Variants in AGMO observed in about 807,000 individuals in gnomAD.
AGMO encodes the protein glyceryl-ether monooxygenase.
In AGMO, 75 loss-of-function variants were observed where a neutral mutation model predicts 60.2. The ratio of observed to expected loss-of-function variants is 1.25; its 90% CI spans 1.03 to 1.51. AGMO has a LOEUF of 1.51. Ranked by LOEUF, AGMO falls within the 40% of genes most tolerant of loss-of-function variation. AGMO has a pLI of 0.00. For synonymous variants in AGMO, 261 were observed against 177.1 expected, an observed-to-expected ratio of 1.47 and a Z score of -3.76; for missense variants, 763 against 525.5, an observed-to-expected ratio of 1.45 and a Z score of -4.42.
intron 3 of AGMO, among the ~76,000 whole-genome samples, chr7:15,527,974 T>C (rs1290024003): frequency 6.6e-6 from 1 of 152,204 alleles, no homozygotes; most frequent in Non-Finnish European, 1.5e-5. Context: ...CTTGTCAATG[T>C]ACATGGTCTC....
At chr7:15,397,337 G>A (rs1784432553) in intron 5 of AGMO, among the ~76,000 whole-genome samples, 1 of 151,754 alleles carries the variant, frequency 6.6e-6, no homozygotes, top group African/African-American at 2.4e-5. Flanking sequence ...CGGAACCCGA[G>A]CCGGCCCGCG....
intron 3 of AGMO, among the ~76,000 whole-genome samples, chr7:15,455,194 G>T (rs1781969191): frequency 6.6e-6 from 1 of 151,528 alleles, no homozygotes; most frequent in South Asian, 2.1e-4. Context: ...ACATTTTTGT[G>T]ACTATGAAGA....
chr7:15,208,886 G>C (rs531873597), intron 12 of AGMO, among the ~76,000 whole-genome samples: 219 of 152,246 alleles, frequency 1.4e-3, no homozygotes, highest in Middle Eastern at 3.4e-3. Context: ...TAGACCTTAA[G>C]TGTCCTAACA....
chr7:15,333,431 A>ATGATT (rs2128545366), intron 12 of AGMO, among the ~76,000 whole-genome samples: 1 of 152,146 alleles, frequency 6.6e-6, no homozygotes, highest in African/African-American at 2.4e-5. Flanking sequence ...AAACACCTTG[A>ATGATT]TGATTATTTT....
chr7:15,270,253 C>T (rs2128513316), intron 12 of AGMO, among the ~76,000 whole-genome samples: 1 of 152,164 alleles, frequency 6.6e-6, no homozygotes, highest in Middle Eastern at 3.4e-3. Context: ...TCCCTTTTCT[C>T]TGCAACTACG....
At chr7:15,184,367 G>GAAGGAATA in the AGMO span, among the ~76,000 whole-genome samples, 2 of 3,594 alleles carry the variant, frequency 5.6e-4, no homozygotes, top group African/African-American at 3.8e-3. Context: ...GGGAAGGAAG[G>GAAGGAATA]GAAGGAAGGA....
At chr7:15,560,045 T>C (rs1785260649) in intron 2 of AGMO, 96 bp downstream of exon 2, 1 of 1,218,450 alleles carries the variant, frequency 8.2e-7, no homozygotes, top group East Asian at 2.7e-5. Flanking sequence ...AAAATTTGTG[T>C]AAATAAACTA....
At position 15,291,605 on chromosome 7, in the gene AGMO, A is replaced by C. The variant is rs182724905; in HGVS notation, c.1263+73909T>G. Among the ~76,000 whole-genome samples the C allele has an allele frequency of 7.1e-3, 1,076 of 152,052 alleles. 6 individuals are homozygous for C. Among genetic ancestry groups the C allele is most frequent in the South Asian group, 0.013 (61 of 4,800 alleles). ...TCAATGTATTCATCACACACACACA[A>C]AAAAAAACTTGTCAACTGAAAAGCT... On this transcript the variant is annotated intron_variant, in intron 12 of 12. Coordinates refer to ENST00000342526, the MANE Select transcript of AGMO (RefSeq NM_001004320.2).
the AGMO span, among the ~76,000 whole-genome samples, chr7:15,165,027 C>T: frequency 0.38 from 58,049 of 151,870 alleles, 12,570 homozygotes; most frequent in East Asian, 0.71. Context: ...AAATGTGGTA[C>T]GCATACACTA....
At chr7:15,342,357 A>C (rs949894684) in intron 12 of AGMO, among the ~76,000 whole-genome samples, 3 of 151,954 alleles carry the variant, frequency 2.0e-5, no homozygotes, top group African/African-American at 7.3e-5. Context: ...TTGCTGCTCC[A>C]AAATTAAATT....
At chr7:15,449,216 A>G (rs1226758528) in intron 3 of AGMO, among the ~76,000 whole-genome samples, 1 of 152,202 alleles carries the variant, frequency 6.6e-6, no homozygotes, top group Non-Finnish European at 1.5e-5. Flanking sequence ...AGTTCAATAT[A>G]CAGCTGAGAC....
intron 2 of AGMO, among the ~76,000 whole-genome samples, chr7:15,552,888 A>G (rs1203923980): frequency 6.7e-6 from 1 of 150,078 alleles, no homozygotes; most frequent in African/African-American, 2.4e-5. Context: ...TTATTGCGGC[A>G]TTATTCACGA....
chr7:15,396,551 A>C (rs1002457136), intron 5 of AGMO: 1 of 152,170 alleles, frequency 6.6e-6, no homozygotes, highest in East Asian at 1.9e-4. Context: ...AGCTACCACA[A>C]CGAGGAAAAG....
At chr7:15,346,932 T>G (rs558571692) in intron 12 of AGMO, among the ~76,000 whole-genome samples, 1 of 152,130 alleles carries the variant, frequency 6.6e-6, no homozygotes, top group East Asian at 1.9e-4. Flanking sequence ...AACGACTCTT[T>G]GGAGTGTAAA....
rs1337830504 is a variant in AGMO, at chr7:15,450,245, C to A, written c.410-19137G>T. ...ACCATCCTGGCTAACACGGTGAAAC[C>A]CCGTCTCTACTAAAAATACACAAAA... On this transcript the variant is annotated intron_variant, in intron 3 of 12. Transcript: ENST00000342526. 2.6e-5 allele frequency among the ~76,000 whole-genome samples: 4 copies of A among 151,892 alleles called. No individual in the cohort carries two copies. In the East Asian group the frequency reaches 7.8e-4, roughly 30 times the overall value.
In AGMO at chr7:15,247,459, C is replaced by CACAGAGAGAGAG. The variant is rs139642069; in HGVS notation, c.1264-46101_1264-46100insCTCTCTCTCTGT. 2.7e-3 allele frequency among the ~76,000 whole-genome samples: 307 copies of CACAGAGAGAGAG among 115,252 alleles called. 4 individuals are homozygous for CACAGAGAGAGAG. The highest frequency in any genetic ancestry group is 9.1e-3 in the African/African-American group (258 of 28,312). 75.6% of individuals were successfully genotyped at this position (115,252 alleles called of 152,430 possible). ...ACACACACACACACACACACACACA[C>CACAGAGAGAGAG]AGAGAGAGAGAGAGAGAGAGGGAGA... On this transcript the variant is annotated intron_variant, in intron 12 of 12. Transcript: ENST00000342526.
intron 12 of AGMO, among the ~76,000 whole-genome samples, chr7:15,294,400 G>A (rs190570719): frequency 6.6e-6 from 1 of 151,780 alleles, no homozygotes; most frequent in African/African-American, 2.4e-5. Flanking sequence ...AGAAAAGCAA[G>A]AGAGTAAATT....
chr7:15,198,233 G>GAGAGAGAGAGAC (rs1781177110), downstream of AGMO, among the ~76,000 whole-genome samples: 6 of 115,684 alleles, frequency 5.2e-5, no homozygotes, highest in South Asian at 1.7e-3. Context: ...GAGAGAGAGA[G>GAGAGAGAGAGAC]AGAGAGAGAG....
chr7:15,140,671 T>C, the AGMO span, among the ~76,000 whole-genome samples: 5 of 152,140 alleles, frequency 3.3e-5, no homozygotes, highest in East Asian at 1.9e-4. Context: ...CTTCAACCCA[T>C]ATATTAAGGT....
Sources: allele counts gnomAD v4.1 joint callset (sites outside exome capture counted in the v4.1 genomes callset), GRCh38; gene constraint gnomAD v4.1.1; transcripts MANE v1.5; gene names NCBI Gene and HGNC (gene_info 2026-07-23, HGNC 2026-07-21).